The following RNF111 variants were observed in gnomAD, a reference collection of about 807,000 sequenced individuals.
The protein encoded by RNF111 is E3 ubiquitin-protein ligase Arkadia.
In RNF111, 17 loss-of-function variants were observed where a neutral mutation model predicts 95.1. The ratio of observed to expected loss-of-function variants is 0.18; its 90% CI spans 0.12 to 0.27. The LOEUF (loss-of-function observed/expected upper bound fraction) is 0.27. Among genes scored for constraint, RNF111 ranks in the 10% least tolerant of loss-of-function variants. RNF111 has a pLI of 1.00. For missense variants in RNF111, 1,189 were observed against 1,210.4 expected (o/e 0.98, Z 0.26); for synonymous variants, 440 against 414.8 (o/e 1.06, Z -0.74).
chr15:59,035,324 C>T (rs2041123463), intron 2 of RNF111, among the ~76,000 whole-genome samples: 1 of 152,190 alleles, frequency 6.6e-6, no homozygotes, highest in Admixed American at 6.5e-5. Flanking sequence ...CCAATCATGC[C>T]TTCCCAACAG....
chr15:59,018,303 G>C (rs1230330127), intron 1 of RNF111, among the ~76,000 whole-genome samples: 2 of 152,076 alleles, frequency 1.3e-5, no homozygotes, highest in East Asian at 1.9e-4. Context: ...TGCCATTTCT[G>C]AGTTTCTGCC....
At chr15:59,085,566 A>T in intron 9 of RNF111, 93 bp from the exon 10 acceptor site, 1 of 1,084,676 alleles carries the variant, frequency 9.2e-7, no homozygotes, top group Non-Finnish European at 1.3e-6. Flanking sequence ...AAGAAACCTT[A>T]GATTACTTTT....
intron 8 of RNF111, among the ~76,000 whole-genome samples, chr15:59,081,942 C>G (rs1327133398): frequency 1.3e-5 from 2 of 152,254 alleles, no homozygotes; most frequent in South Asian, 4.2e-4. Context: ...AAAGGATCGT[C>G]TGAGCCCAGG....
chr15:59,029,698 A>T (rs2040810691), intron 1 of RNF111, among the ~76,000 whole-genome samples: 1 of 152,172 alleles, frequency 6.6e-6, no homozygotes, highest in Non-Finnish European at 1.5e-5. Flanking sequence ...TATGGGCAAA[A>T]CAAATCTGTG....
chr15:59,033,256 T>C (rs1193291443), intron 2 of RNF111, among the ~76,000 whole-genome samples: 1 of 152,210 alleles, frequency 6.6e-6, no homozygotes, highest in Non-Finnish European at 1.5e-5. Context: ...TCTTCTCTTC[T>C]TCTTCTTTAT....
Position 59,096,187 on chromosome 15 carries a change from A to T in RNF111, c.*1287A>T. 1 of 397,272 alleles carries T rather than the reference A, an allele frequency of 2.5e-6. No individual in the cohort carries two copies. Among genetic ancestry groups the T allele is most frequent in the Non-Finnish European group, 4.4e-6 (1 of 225,202 alleles). The allele number at this position is 397,272 out of a possible 1,614,324, so 24.6% of individuals were successfully genotyped here. A position where few individuals can be genotyped will look rare whatever the true frequency, so the allele number is the denominator to read the frequency against. The stretch of plus-strand genomic sequence containing the variant: ...CATACTAACATTTCTCCTTTGGAGG[A>T]AGTTTTAATCTACTTCAGGATGCAT... On this transcript the variant is annotated 3_prime_UTR_variant, in exon 14 of 14. Transcript: ENST00000348370.
rs555620885 is a variant in RNF111, at chr15:59,061,129, G to A, written c.1366+2579G>A. Among the ~76,000 whole-genome samples the A allele has an allele frequency of 7.1e-4, 108 of 152,234 alleles. 2 individuals are homozygous for A. The highest frequency in any genetic ancestry group is 3.4e-3 in the Middle Eastern group (1 of 294). ...AGCATTATTCTTACGTACATTTTAT[G>A]TGATACAGTCCCAACTTTATTTCAG... On this transcript the variant is annotated intron_variant, in intron 5 of 13. Coordinates refer to ENST00000348370, the MANE Select transcript of RNF111 (RefSeq NM_017610.8).
At chr15:59,078,590 G>C (rs2078638598) in intron 7 of RNF111, among the ~76,000 whole-genome samples, 1 of 150,986 alleles carries the variant, frequency 6.6e-6, no homozygotes, top group Non-Finnish European at 1.5e-5. Context: ...AGGCACAGTG[G>C]CTCACGCCTG....
At chr15:59,085,622 C>T in intron 9 of RNF111, 37 bp from the exon 10 acceptor site, 1 of 1,599,870 alleles carries the variant, frequency 6.3e-7, no homozygotes, top group Non-Finnish European at 8.5e-7. Flanking sequence ...AAAAAGAGAC[C>T]CTAAGGAGGA....
At chr15:59,025,748 G>C (rs1409289327) in intron 1 of RNF111, among the ~76,000 whole-genome samples, 3 of 136,896 alleles carry the variant, frequency 2.2e-5, no homozygotes, top group Middle Eastern at 8.1e-3. Context: ...TTTTTCTTTT[G>C]TGTCGGAATT....
At position 59,080,998 on chromosome 15, in the gene RNF111, C is replaced by T. The variant is rs958691776; in HGVS notation, c.2011C>T (p.Pro671Ser). The change falls in exon 8 of 14, where the codon CCC becomes TCC. Residue 671 changes from proline to serine, a missense_variant. By Grantham distance (74) the Pro-to-Ser change is moderately conservative. This residue lies in a region of RNF111 where 1,024 missense variants were observed against 925.9 expected (regional missense o/e 1.11). Transcript: ENST00000348370. Reference protein sequence around the residue: ...ASACPHSHGNPPPQTQPPPQV... With the variant: ...ASACPHSHGNSPPQTQPPPQV... The stretch of plus-strand genomic sequence containing the variant: ...TGCCTGCCCGCATTCTCATGGAAAC[C>T]CCCCTCCTCAGACTCAGCCTCCGCC... The T allele has an allele frequency of 1.4e-5, 22 of 1,613,886 alleles. No homozygotes were observed. Among genetic ancestry groups the T allele is most frequent in the African/African-American group, 4.0e-5 (3 of 74,864 alleles).
chr15:59,081,328 T>C lies in RNF111; in HGVS notation c.2297+44T>C, dbSNP rs140059029. 208 of 1,513,014 alleles carry C rather than the reference T, an allele frequency of 1.4e-4. 1 individual carries two copies. The African/African-American group carries it at 1.9e-3, about 14-fold the overall frequency. The allele number at this position is 1,513,014 out of a possible 1,614,324, so 93.7% of individuals were successfully genotyped here. On this transcript the variant is annotated intron_variant, in intron 8 of 13. Transcript: ENST00000348370. ...AAAAGAAAGTCAAGTTTGCTTTTTC[T>C]TCTACTTCCATTGGTCTTTACAACT...
chr15:59,047,975 A>T (rs1374576288), intron 2 of RNF111, among the ~76,000 whole-genome samples: 3 of 152,228 alleles, frequency 2.0e-5, no homozygotes, highest in Non-Finnish European at 4.4e-5. Flanking sequence ...ACTGGTGAGG[A>T]TGTGGAGAAC....
chr15:58,993,893 A>T (rs1263261793), intron 1 of RNF111, among the ~76,000 whole-genome samples: 1 of 152,178 alleles, frequency 6.6e-6, no homozygotes, highest in Admixed American at 6.5e-5. Flanking sequence ...CAAATAGAAA[A>T]TTTAAGAAAT....
intron 1 of RNF111, among the ~76,000 whole-genome samples, chr15:59,020,845 G>A (rs936879201): frequency 1.3e-5 from 2 of 152,130 alleles, no homozygotes; most frequent in South Asian, 2.1e-4. Context: ...AAGAAATTTG[G>A]TTCTTTGTTT....
At chr15:59,079,417 G>C (rs2078670558) in intron 7 of RNF111, among the ~76,000 whole-genome samples, 1 of 152,122 alleles carries the variant, frequency 6.6e-6, no homozygotes, top group African/African-American at 2.4e-5. Flanking sequence ...TTAAAAATTT[G>C]TCTTGCAACT....
chr15:59,073,266 G>T (rs181834463), intron 6 of RNF111, among the ~76,000 whole-genome samples: 1 of 152,164 alleles, frequency 6.6e-6, no homozygotes, highest in African/African-American at 2.4e-5. Context: ...CTTGCGGTCA[G>T]CAGTTCAAGA....
chr15:59,044,583 A>T (rs1024458632), intron 2 of RNF111, among the ~76,000 whole-genome samples: 24 of 152,214 alleles, frequency 1.6e-4, no homozygotes, highest in Non-Finnish European at 2.2e-4. Context: ...TATTTTTCTC[A>T]TGATGTTTTA....
chr15:59,003,641 A>G (rs776436923), intron 1 of RNF111, among the ~76,000 whole-genome samples: 22 of 152,186 alleles, frequency 1.4e-4, no homozygotes, highest in Non-Finnish European at 2.5e-4. Flanking sequence ...AGCTCAAGCG[A>G]TCTGCCTGCC....
Sources: gnomAD v4.1 joint callset for allele counts (sites outside exome capture counted in the v4.1 genomes callset) on GRCh38, gnomAD v4.1.1 for gene constraint, gnomAD v4.1.1 regional missense constraint, MANE v1.5 for transcripts, NCBI Gene and HGNC (gene_info 2026-07-23, HGNC 2026-07-21) for gene names.